SDK1: variants seen among roughly 807,000 people sequenced by gnomAD.
SDK1 encodes sidekick cell adhesion molecule 1, also known as protein sidekick-1.
A neutral mutation model predicts 245.5 loss-of-function variants in SDK1; 157 were observed. The observed-to-expected ratio is 0.64, with a 90% CI of 0.56 to 0.73. The LOEUF is 0.73. Ranked by LOEUF, SDK1 falls within the 30% of genes least tolerant of loss-of-function variation. The probability of loss-of-function intolerance (pLI) is 0.00; values close to 1 mark genes in which losing one functional copy is unlikely to be tolerated. For synonymous variants in SDK1, 1,647 were observed against 1,278.5 expected, an observed-to-expected ratio of 1.29 and a Z score of -6.15; for missense variants, 3,583 against 3,002.3, an observed-to-expected ratio of 1.19 and a Z score of -4.52.
intron 5 of SDK1, among the ~76,000 whole-genome samples, chr7:3,929,382 G>A (rs937814072): frequency 1.3e-5 from 2 of 152,186 alleles, no homozygotes; most frequent in Non-Finnish European, 2.9e-5. Context: ...CCCATTTGGC[G>A]GGGTTGCTTA....
intron 17 of SDK1, among the ~76,000 whole-genome samples, chr7:4,045,712 G>A (rs907611184): frequency 1.2e-4 from 19 of 152,084 alleles, no homozygotes; most frequent in African/African-American, 3.4e-4. Context: ...CGAGGGCCTT[G>A]GGCACTCCAC....
chr7:3,395,087 A>G (rs80068258), intron 1 of SDK1, among the ~76,000 whole-genome samples: 7,746 of 152,028 alleles, frequency 0.051, 616 homozygotes, highest in African/African-American at 0.17. Flanking sequence ...CTTAGAGGAA[A>G]AGAATTTGGT....
chr7:3,677,041 A>T (rs924289092), intron 4 of SDK1, among the ~76,000 whole-genome samples: 3 of 151,928 alleles, frequency 2.0e-5, no homozygotes, highest in African/African-American at 4.8e-5. Context: ...GGCCTCTGGG[A>T]TGTTTGTTTC....
At chr7:4,264,488 CCT>C (rs200659115) in intron 44 of SDK1, among the ~76,000 whole-genome samples, 14 of 96,954 alleles carry the variant, frequency 1.4e-4, no homozygotes, top group Non-Finnish European at 1.7e-4. Flanking sequence ...GTGGACCTCT[CCT>C]GAGTGAGGGA....
intron 35 of SDK1, among the ~76,000 whole-genome samples, chr7:4,193,540 C>A (rs1235767211): frequency 6.6e-6 from 1 of 151,836 alleles, no homozygotes; most frequent in African/African-American, 2.4e-5. Flanking sequence ...TCCCCAGCTT[C>A]ATCAAGGTCC....
intron 1 of SDK1, among the ~76,000 whole-genome samples, chr7:3,529,055 G>T (rs769156197): frequency 6.6e-6 from 1 of 152,042 alleles, no homozygotes; most frequent in African/African-American, 2.4e-5. Context: ...TATATTGAGG[G>T]TAAAGGGAAC....
rs770601181 is a variant in SDK1, at chr7:4,003,481, G to A, written c.2132-7485G>A. On this transcript the variant is annotated intron_variant, in intron 14 of 44. Coordinates refer to ENST00000404826, the MANE Select transcript of SDK1 (RefSeq NM_152744.4). The stretch of plus-strand genomic sequence containing the variant: ...AGCTCCGCAGTCTCTCCCTGATGAC[G>A]TCTTTCCCGCTCTGTTGCAGGATCC... 2.6e-5 allele frequency among the ~76,000 whole-genome samples: 4 copies of A among 152,276 alleles called. No homozygotes were observed. In the South Asian group the frequency reaches 6.2e-4, roughly 24 times the overall value.
intron 4 of SDK1, among the ~76,000 whole-genome samples, chr7:3,722,152 T>A (rs1053788022): frequency 2.6e-5 from 4 of 152,108 alleles, no homozygotes; most frequent in Non-Finnish European, 5.9e-5. Flanking sequence ...AGTGCTGGAA[T>A]TACAGATGTG....
At chr7:4,132,834 G>T (rs555093570) in intron 28 of SDK1, among the ~76,000 whole-genome samples, 1 of 152,216 alleles carries the variant, frequency 6.6e-6, no homozygotes, top group African/African-American at 2.4e-5. Context: ...ACAAAAGGCT[G>T]TCTCCAGCAG....
chr7:3,376,032 T>A (rs1341863846), intron 1 of SDK1, among the ~76,000 whole-genome samples: 1 of 152,114 alleles, frequency 6.6e-6, no homozygotes, highest in Non-Finnish European at 1.5e-5. Context: ...GAATTCTGCA[T>A]CAAGAAAATT....
rs183308461 is a variant in SDK1 at position 3,336,982 on chromosome 7, G to T, written c.298+35098G>T. On this transcript the variant is annotated intron_variant, in intron 1 of 44. Transcript: ENST00000404826. ...CACTAAAAGATTAAATTTGATCTGG[G>T]GTCTCTTAATATCAAAAACATATAG... Among the ~76,000 whole-genome samples the T allele has an allele frequency of 1.4e-3, 209 of 152,120 alleles. 2 individuals carry two copies. The highest frequency in any genetic ancestry group is 7.4e-5 in the Non-Finnish European group (5 of 68,000).
intron 1 of SDK1, among the ~76,000 whole-genome samples, chr7:3,373,723 T>C (rs1419936009): frequency 3.3e-5 from 5 of 152,144 alleles, no homozygotes; most frequent in Non-Finnish European, 7.3e-5. Context: ...TATTTGAAGA[T>C]ATTATATGAT....
At chr7:3,318,920 ATTTGGAT>A (rs1055193793) in intron 1 of SDK1, among the ~76,000 whole-genome samples, 2 of 152,118 alleles carry the variant, frequency 1.3e-5, no homozygotes, top group African/African-American at 4.8e-5. Context: ...TAGAACTGAG[ATTTGGAT>A]ACAGATGGTA....
chr7:3,421,431 A>G (rs1779532278), intron 1 of SDK1, among the ~76,000 whole-genome samples: 1 of 152,164 alleles, frequency 6.6e-6, no homozygotes, highest in African/African-American at 2.4e-5. Context: ...CTAAATAATT[A>G]TGATATTCAT....
At chr7:3,439,880 G>A (rs1051865441) in intron 1 of SDK1, among the ~76,000 whole-genome samples, 1 of 152,154 alleles carries the variant, frequency 6.6e-6, no homozygotes, top group Non-Finnish European at 1.5e-5. Context: ...ATGCCCTGAG[G>A]CAGGTCAGAT....
At chr7:3,534,037 T>A (rs1025963266) in intron 1 of SDK1, among the ~76,000 whole-genome samples, 4 of 152,220 alleles carry the variant, frequency 2.6e-5, no homozygotes, top group Non-Finnish European at 2.9e-5. Context: ...TTGGAACTTT[T>A]TACCTTTTGA....
intron 1 of SDK1, among the ~76,000 whole-genome samples, chr7:3,568,564 T>C (rs1780001049): frequency 6.6e-6 from 1 of 152,222 alleles, no homozygotes; most frequent in South Asian, 2.1e-4. Flanking sequence ...TGCTCTCTTC[T>C]GGGAAATATT....
chr7:3,430,803 G>A (rs932794772), intron 1 of SDK1, among the ~76,000 whole-genome samples: 2 of 152,186 alleles, frequency 1.3e-5, no homozygotes, highest in Non-Finnish European at 1.5e-5. Context: ...CCATGCCTCC[G>A]GTGGATGGAA....
At chr7:3,770,248 G>A (rs1164397418) in intron 4 of SDK1, among the ~76,000 whole-genome samples, 1 of 152,040 alleles carries the variant, frequency 6.6e-6, no homozygotes, top group African/African-American at 2.4e-5. Flanking sequence ...TTCCCTCTCA[G>A]TGTAATTCCC....
Sources: gnomAD v4.1 joint callset for allele counts (sites outside exome capture counted in the v4.1 genomes callset) on GRCh38, gnomAD v4.1.1 for gene constraint, MANE v1.5 for transcripts, NCBI Gene and HGNC (gene_info 2026-07-23, HGNC 2026-07-21) for gene names.